The following PPP1R1C variants were observed in gnomAD, a reference collection of about 807,000 sequenced individuals.
PPP1R1C encodes protein phosphatase 1 regulatory subunit 1C.
Under a neutral mutation model 17.4 loss-of-function variants are expected in PPP1R1C, and 15 were observed. That is an observed-to-expected ratio of 0.86 (90% CI 0.58 to 1.33). The LOEUF (loss-of-function observed/expected upper bound fraction) is 1.33, where lower values mean the gene tolerates loss of function less well. PPP1R1C is among the 40% of genes most tolerant of loss of function. PPP1R1C has a pLI of 0.00. For missense variants in PPP1R1C, 143 were observed against 130.0 expected, an observed-to-expected ratio of 1.10 and a Z score of -0.48; for synonymous variants, 35 against 43.1, an observed-to-expected ratio of 0.81 and a Z score of 0.73.
At chr2:182,107,120 G>C (rs958979218) in intron 4 of PPP1R1C, among the ~76,000 whole-genome samples, 3 of 152,134 alleles carry the variant, frequency 2.0e-5, no homozygotes, top group Non-Finnish European at 2.9e-5. Context: ...TATAACAGTG[G>C]GCTTTCCTTA....
intron 4 of PPP1R1C, among the ~76,000 whole-genome samples, chr2:182,075,533 A>G (rs1471987598): frequency 1.3e-5 from 2 of 152,242 alleles, no homozygotes; most frequent in African/African-American, 4.8e-5. Context: ...TGGCTGCAGG[A>G]GATATGAGAG....
downstream of PPP1R1C, among the ~76,000 whole-genome samples, chr2:182,122,430 G>C (rs2125240980): frequency 6.6e-6 from 1 of 152,222 alleles, no homozygotes; most frequent in African/African-American, 2.4e-5. Context: ...ATTATGCTTA[G>C]GATGAGGCAA....
At chr2:182,047,840 T>C (rs1417624534) in intron 2 of PPP1R1C, among the ~76,000 whole-genome samples, 2 of 152,226 alleles carry the variant, frequency 1.3e-5, no homozygotes, top group Non-Finnish European at 2.9e-5. Flanking sequence ...TTATGAAATA[T>C]AAGCAGAAAG....
At chr2:182,030,287 C>T (rs1368241904) in intron 2 of PPP1R1C, among the ~76,000 whole-genome samples, 1 of 152,224 alleles carries the variant, frequency 6.6e-6, no homozygotes, top group Non-Finnish European at 1.5e-5. Context: ...AGGAGAGGCA[C>T]TCTGTGTTTT....
intron 4 of PPP1R1C, among the ~76,000 whole-genome samples, chr2:182,083,017 C>A (rs1273573203): frequency 6.6e-6 from 1 of 152,026 alleles, no homozygotes; most frequent in African/African-American, 2.4e-5. Context: ...TGGAACATGA[C>A]CAGAGCATAA....
At chr2:182,041,001 T>C (rs988232185) in intron 2 of PPP1R1C, among the ~76,000 whole-genome samples, 1 of 152,206 alleles carries the variant, frequency 6.6e-6, no homozygotes, top group Non-Finnish European at 1.5e-5. Flanking sequence ...TTCTGTTCCA[T>C]TGGTCTAGGT....
intron 2 of PPP1R1C, among the ~76,000 whole-genome samples, chr2:182,057,164 T>TA (rs1451508244): frequency 2.6e-5 from 4 of 152,214 alleles, no homozygotes; most frequent in African/African-American, 9.6e-5. Flanking sequence ...GTGTGTCAGC[T>TA]ATGCTATTGT....
chr2:181,961,202 G>T lies in PPP1R1C; in HGVS notation n.111+6568G>T, dbSNP rs897177252. 12 of 893,302 alleles carry T rather than the reference G, an allele frequency of 1.3e-5. No individual in the cohort carries two copies. The highest frequency in any genetic ancestry group is 3.3e-4 in the Middle Eastern group (1 of 3,012). The allele number at this position is 893,302 out of a possible 1,614,324, so 55.3% of individuals were successfully genotyped here. A position where few individuals can be genotyped will look rare whatever the true frequency, so the allele number is the denominator to read the frequency against. On this transcript the variant is annotated intron_variant and non_coding_transcript_variant, in intron 1 of 5. Transcript: ENST00000464264. This position sits in a 1 kb window ranked among gnomAD's most constrained non-coding sequence, Gnocchi z 5.8. ...CCCAAAGGGTACCCTGCTTCTGCTG[G>T]CTTGATGTCTTAGAACTTTGGTGTC...
intron 2 of PPP1R1C, among the ~76,000 whole-genome samples, chr2:182,007,873 T>C (rs558789805): frequency 2.0e-5 from 3 of 152,040 alleles, no homozygotes; most frequent in Non-Finnish European, 4.4e-5. Flanking sequence ...CCATCCTGGC[T>C]AACACGGTGA....
At chr2:181,991,741 T>C (rs1685479717) in intron 2 of PPP1R1C, among the ~76,000 whole-genome samples, 1 of 152,184 alleles carries the variant, frequency 6.6e-6, no homozygotes. Flanking sequence ...TCAGTTCCTC[T>C]TCTGATTAAG....
At chr2:181,988,593 A>G (rs1424829928) in intron 2 of PPP1R1C, among the ~76,000 whole-genome samples, 1 of 152,210 alleles carries the variant, frequency 6.6e-6, no homozygotes, top group East Asian at 1.9e-4. Flanking sequence ...ATATACAAGT[A>G]GGATAGGAAA....
At chr2:182,037,364 G>T (rs1465847873) in intron 2 of PPP1R1C, among the ~76,000 whole-genome samples, 3 of 152,132 alleles carry the variant, frequency 2.0e-5, no homozygotes, top group African/African-American at 7.2e-5. Flanking sequence ...CAAGGCCAGA[G>T]GATCACGAGG....
At chr2:182,065,441 A>G (rs1005870504) in intron 4 of PPP1R1C, among the ~76,000 whole-genome samples, 18 of 152,174 alleles carry the variant, frequency 1.2e-4, no homozygotes, top group African/African-American at 4.3e-4. Context: ...AGAGGCTTCA[A>G]TTATAAAAAA....
chr2:182,023,128 C>G (rs1011094630), intron 2 of PPP1R1C, among the ~76,000 whole-genome samples: 2 of 151,920 alleles, frequency 1.3e-5, no homozygotes, highest in Non-Finnish European at 2.9e-5. Flanking sequence ...ATTAAGTAGG[C>G]AATATAGAAA....
chr2:182,004,554 A>G (rs1483175604), intron 2 of PPP1R1C, among the ~76,000 whole-genome samples: 1 of 152,236 alleles, frequency 6.6e-6, no homozygotes, highest in East Asian at 1.9e-4. Flanking sequence ...AAAGCCCAGA[A>G]ACATGACAAG....
At chr2:182,028,143 T>C (rs1686683472) in intron 2 of PPP1R1C, among the ~76,000 whole-genome samples, 1 of 138,252 alleles carries the variant, frequency 7.2e-6, no homozygotes, top group African/African-American at 2.7e-5. Flanking sequence ...TCAATTTTGT[T>C]GATCCTTTCA....
At chr2:181,982,435 A>G (rs1334974795), upstream of PPP1R1C, among the ~76,000 whole-genome samples, 1 of 152,252 alleles carries the variant, frequency 6.6e-6, no homozygotes, top group African/African-American at 2.4e-5. Context: ...TAACTACTAG[A>G]TGACGAGCAT....
At chr2:181,994,384 CATTTTTATTCACTTCTTTTCAT>C (rs1347051746) in intron 2 of PPP1R1C, among the ~76,000 whole-genome samples, 1 of 152,080 alleles carries the variant, frequency 6.6e-6, no homozygotes, top group Non-Finnish European at 1.5e-5. Flanking sequence ...CATTCCACTC[CATTTTTATTCACTTCTTTTCAT>C]ACATCATCTC....
intron 2 of PPP1R1C, among the ~76,000 whole-genome samples, chr2:182,033,158 C>A (rs1162482940): frequency 6.6e-6 from 1 of 152,102 alleles, no homozygotes; most frequent in Non-Finnish European, 1.5e-5. Context: ...CAATTCTTTT[C>A]TTCCCTGATT....
Sources: gnomAD v4.1 joint callset for allele counts (sites outside exome capture counted in the v4.1 genomes callset) on GRCh38, gnomAD v4.1.1 for gene constraint, Gnocchi (gnomAD v3.1) non-coding constraint, MANE v1.5 for transcripts, NCBI Gene and HGNC (gene_info 2026-07-23, HGNC 2026-07-21) for gene names.